The following DTNA variants were observed in gnomAD, a reference collection of about 807,000 sequenced individuals.
DTNA encodes the protein dystrobrevin alpha, also known as dystrophin-related protein 3.
Under a neutral mutation model 100.7 loss-of-function variants are expected in DTNA, and 43 were observed. The ratio of observed to expected loss-of-function variants is 0.43; its 90% CI spans 0.33 to 0.55. The LOEUF (loss-of-function observed/expected upper bound fraction) is 0.55. DTNA is among the 20% of genes least tolerant of loss of function. The probability of loss-of-function intolerance (pLI) is 0.04; values close to 1 mark genes in which losing one functional copy is unlikely to be tolerated. For synonymous variants in DTNA, 349 were observed against 347.9 expected (o/e 1.00, Z -0.04); for missense variants, 798 against 953.9 (o/e 0.84, Z 2.15).
chr18:34,516,276 T>A (rs972820482), intron 1 of DTNA, among the ~76,000 whole-genome samples: 2 of 152,062 alleles, frequency 1.3e-5, no homozygotes, highest in African/African-American at 4.8e-5. Flanking sequence ...GAGGAATGTA[T>A]GAATAGGTTG....
intron 1 of DTNA, among the ~76,000 whole-genome samples, chr18:34,562,366 A>T (rs2046716801): frequency 6.6e-6 from 1 of 152,190 alleles, no homozygotes; most frequent in Non-Finnish European, 1.5e-5. Flanking sequence ...ACTTCCCGTT[A>T]TTTGAGTATG....
Position 34,765,458 on chromosome 18 carries a change from A to G in DTNA, c.68-503A>G, listed in dbSNP as rs761464396. Among the ~76,000 whole-genome samples, 9 of 152,284 alleles carry G rather than the reference A, an allele frequency of 5.9e-5. No individual in the cohort carries two copies. In the South Asian group the frequency reaches 8.3e-4, roughly 14 times the overall value. On this transcript the variant is annotated intron_variant, in intron 2 of 22. Transcript: ENST00000444659. Reference sequence around the variant, plus strand: ...ACAACAGTCCTGTGCAATAAGTACTATTATTATCATCATCCCCATCTTCCA... The same window carrying G: ...ACAACAGTCCTGTGCAATAAGTACTGTTATTATCATCATCCCCATCTTCCA...
At chr18:34,496,533 C>T (rs574497582) in intron 1 of DTNA, among the ~76,000 whole-genome samples, 1 of 152,236 alleles carries the variant, frequency 6.6e-6, no homozygotes, top group Non-Finnish European at 1.5e-5. Flanking sequence ...CCTTTCAAGT[C>T]CCACACCTCT....
chr18:34,536,021 T>G (rs1422227732), intron 1 of DTNA, among the ~76,000 whole-genome samples: 1 of 152,032 alleles, frequency 6.6e-6, no homozygotes, highest in Non-Finnish European at 1.5e-5. Context: ...TCCTAAGAAT[T>G]TATAAATACA....
chr18:34,631,032 G>A (rs2058019158), intron 1 of DTNA, among the ~76,000 whole-genome samples: 1 of 152,162 alleles, frequency 6.6e-6, no homozygotes, highest in African/African-American at 2.4e-5. Context: ...CAGGGCCAGA[G>A]AAGGAAGTAA....
At chr18:34,618,040 G>T (rs959293364) in intron 1 of DTNA, among the ~76,000 whole-genome samples, 2 of 152,076 alleles carry the variant, frequency 1.3e-5, no homozygotes, top group Non-Finnish European at 2.9e-5. Flanking sequence ...GCTAATCTCT[G>T]GGCTGGGTCA....
chr18:34,564,479 T>C (rs930013796), intron 1 of DTNA, among the ~76,000 whole-genome samples: 1 of 152,194 alleles, frequency 6.6e-6, no homozygotes, highest in African/African-American at 2.4e-5. Flanking sequence ...GAGTCTAAGT[T>C]CAACTGGGAA....
At chr18:34,834,765 T>A (rs2096099901) in intron 11 of DTNA, among the ~76,000 whole-genome samples, 1 of 152,084 alleles carries the variant, frequency 6.6e-6, no homozygotes, top group South Asian at 2.1e-4. Flanking sequence ...ACCAAGCCAT[T>A]CATGAGGGAT....
intron 13 of DTNA, among the ~76,000 whole-genome samples, chr18:34,842,891 GGTTA>G (rs976154519): frequency 9.8e-4 from 149 of 152,210 alleles, no homozygotes; most frequent in African/African-American, 3.2e-3. Flanking sequence ...TTGGCTGACT[GGTTA>G]GTTGGTTGGT....
intron 1 of DTNA, among the ~76,000 whole-genome samples, chr18:34,606,089 G>T (rs750518351): frequency 1.3e-5 from 2 of 152,072 alleles, no homozygotes; most frequent in African/African-American, 2.4e-5. Flanking sequence ...ATCAAATCAG[G>T]GATGTTTTAT....
intron 11 of DTNA, among the ~76,000 whole-genome samples, chr18:34,837,330 T>G (rs1390603444): frequency 3.9e-5 from 6 of 152,198 alleles, no homozygotes; most frequent in Non-Finnish European, 7.3e-5. Context: ...AGATTTTGGA[T>G]GACTTTACCA....
At chr18:34,642,027 C>T (rs1206741791) in intron 1 of DTNA, among the ~76,000 whole-genome samples, 1 of 152,156 alleles carries the variant, frequency 6.6e-6, no homozygotes, top group African/African-American at 2.4e-5. Context: ...ATATTCAGAA[C>T]TTGTTTAACT....
intron 7 of DTNA, among the ~76,000 whole-genome samples, chr18:34,816,419 G>A (rs2095598786): frequency 1.3e-5 from 2 of 152,168 alleles, no homozygotes; most frequent in East Asian, 3.8e-4. Context: ...AAAAAAAATA[G>A]ATGATAGCAC....
At chr18:34,510,575 C>G (rs1296655086) in intron 1 of DTNA, among the ~76,000 whole-genome samples, 4 of 150,908 alleles carry the variant, frequency 2.7e-5, no homozygotes, top group African/African-American at 9.7e-5. Context: ...CCTTGCCACG[C>G]CTTTTATGAG....
intron 1 of DTNA, among the ~76,000 whole-genome samples, chr18:34,714,067 A>G (rs2083442900): frequency 6.6e-6 from 1 of 151,878 alleles, no homozygotes; most frequent in Non-Finnish European, 1.5e-5. Context: ...CTTACACCTT[A>G]TACAAAAATC....
chr18:34,760,633 C>T (rs544337734), intron 2 of DTNA, among the ~76,000 whole-genome samples: 15 of 152,320 alleles, frequency 9.8e-5, no homozygotes, highest in African/African-American at 1.2e-4. Context: ...CCTGCCAAGG[C>T]GGCTGCCTTC....
chr18:34,607,998 T>C (rs139873667), intron 1 of DTNA, among the ~76,000 whole-genome samples: 5 of 152,330 alleles, frequency 3.3e-5, no homozygotes, highest in African/African-American at 1.2e-4. Flanking sequence ...GTGGCAAGGA[T>C]TCCAAATCCC....
intron 1 of DTNA, among the ~76,000 whole-genome samples, chr18:34,530,688 T>C (rs149889558): frequency 0.013 from 2,008 of 152,218 alleles, 17 homozygotes; most frequent in Non-Finnish European, 0.022. Context: ...CCAACAGTGC[T>C]TTGAGGAAGA....
At chr18:34,813,841 CAAAAAAAAAAAA>C (rs34385959) in intron 6 of DTNA, among the ~76,000 whole-genome samples, 2 of 71,588 alleles carry the variant, frequency 2.8e-5, no homozygotes, top group East Asian at 1.1e-3. Context: ...GACTCCATCT[CAAAAAAAAAAAA>C]AAAAAAAAAG....
Sources: gnomAD v4.1 joint callset for allele counts (sites outside exome capture counted in the v4.1 genomes callset) on GRCh38, gnomAD v4.1.1 for gene constraint, MANE v1.5 for transcripts, NCBI Gene and HGNC (gene_info 2026-07-23, HGNC 2026-07-21) for gene names.